The following DAB1 variants were observed in gnomAD, a reference collection of about 807,000 sequenced individuals.
DAB1 encodes DAB adaptor protein 1.
In DAB1, 15 loss-of-function variants were observed where a neutral mutation model predicts 64.6. The observed-to-expected ratio is 0.23, with a 90% confidence interval of 0.16 to 0.36. The LOEUF is 0.36. Among genes scored for constraint, DAB1 ranks in the 10% least tolerant of loss-of-function variants. The pLI, the probability that DAB1 is intolerant of heterozygous loss-of-function variation, is 1.00. For missense variants in DAB1, 596 were observed against 706.7 expected (o/e 0.84, Z 1.78); for synonymous variants, 235 against 251.9 (o/e 0.93, Z 0.64).
intron 4 of DAB1, among the ~76,000 whole-genome samples, chr1:58,203,253 A>G (rs1292731623): frequency 6.6e-6 from 1 of 152,218 alleles, no homozygotes; most frequent in East Asian, 1.9e-4. Context: ...GTCTTCAACC[A>G]AGACACAATT....
intron 4 of DAB1, among the ~76,000 whole-genome samples, chr1:58,198,535 A>G (rs1329093739): frequency 2.0e-5 from 3 of 152,218 alleles, no homozygotes; most frequent in Non-Finnish European, 4.4e-5. Flanking sequence ...TTGGCTGTCC[A>G]ATGTCCATGC....
At chr1:58,406,812 T>G (rs532639425) in intron 3 of DAB1, among the ~76,000 whole-genome samples, 3 of 151,646 alleles carry the variant, frequency 2.0e-5, no homozygotes, top group African/African-American at 7.2e-5. Context: ...GAAAATACCA[T>G]GGGTTTGGGA....
At chr1:57,384,932 G>A (rs1229939859) in intron 1 of DAB1, among the ~76,000 whole-genome samples, 1 of 152,154 alleles carries the variant, frequency 6.6e-6, no homozygotes, top group African/African-American at 2.4e-5. Flanking sequence ...AAATATGTCA[G>A]ATCAGTAAGG....
At chr1:58,166,541 C>T (rs1655841469) in intron 4 of DAB1, among the ~76,000 whole-genome samples, 1 of 152,102 alleles carries the variant, frequency 6.6e-6, no homozygotes, top group African/African-American at 2.4e-5. Context: ...ATCCTTTCAC[C>T]ACTACGTGAA....
chr1:58,088,927 C>T (rs1297159127), intron 5 of DAB1, among the ~76,000 whole-genome samples: 1 of 152,056 alleles, frequency 6.6e-6, no homozygotes, highest in Non-Finnish European at 1.5e-5. Flanking sequence ...TGTGAAGGAA[C>T]GCGGGGCAAG....
chr1:57,591,014 G>C (rs575962175), intron 7 of DAB1, among the ~76,000 whole-genome samples: 1 of 152,234 alleles, frequency 6.6e-6, no homozygotes, highest in African/African-American at 2.4e-5. Flanking sequence ...TTTAACTTCT[G>C]ATACATAGCC....
intron 3 of DAB1, among the ~76,000 whole-genome samples, chr1:58,476,553 G>T (rs1645421130): frequency 6.6e-6 from 1 of 152,212 alleles, no homozygotes; most frequent in Non-Finnish European, 1.5e-5. Flanking sequence ...AAGTTAGGGG[G>T]CAAAGTGTAG....
At position 57,377,281 on chromosome 1, in the gene DAB1, A is replaced by AAAAAAG. The variant is rs1553174561; in HGVS notation, c.-137+46648_-137+46649insCTTTTT. On this transcript the variant is annotated intron_variant, in intron 1 of 14. Transcript: ENST00000371236. ...TGAGACTCCATCTTAAAAAAAAAAA[A>AAAAAAG]AAAAGAAAAGAAAAGGCAGGCCACT... is the stretch of plus-strand genomic sequence containing the variant. 6.8e-4 allele frequency among the ~76,000 whole-genome samples: 100 copies of AAAAAAG among 146,554 alleles called. 1 individual carries two copies. The South Asian group carries it at 0.016, about 24-fold the overall frequency.
intron 2 of DAB1, chr1:58,527,253 C>T: frequency 1.1e-6 from 1 of 872,132 alleles, no homozygotes; most frequent in Non-Finnish European, 2.0e-6. Flanking sequence ...AACTACTAAA[C>T]ACTTTACCTT....
intron 7 of DAB1, among the ~76,000 whole-genome samples, chr1:57,589,242 A>G (rs1645415372): frequency 6.6e-6 from 1 of 152,190 alleles, no homozygotes; most frequent in African/African-American, 2.4e-5. Context: ...AACAAACAAA[A>G]AAACCATATG....
intron 6 of DAB1, among the ~76,000 whole-genome samples, chr1:57,699,613 T>C (rs531326153): frequency 2.6e-4 from 39 of 152,172 alleles, no homozygotes; most frequent in Middle Eastern, 6.8e-3. Context: ...GAGGAAAAAT[T>C]GTCATTAGAA....
In DAB1 at chr1:57,028,847, C is replaced by T. The variant is rs905717301; in HGVS notation, c.724-2804G>A. 9.9e-5 allele frequency among the ~76,000 whole-genome samples: 15 copies of T among 152,098 alleles called. 1 individual carries two copies. The highest frequency in any genetic ancestry group is 3.6e-4 in the African/African-American group (15 of 41,490). On this transcript the variant is annotated intron_variant, in intron 9 of 14. Coordinates refer to ENST00000371236, the MANE Select transcript of DAB1 (RefSeq NM_001365792.1). ...AAGCATTCAATAGGTAACTTGGGTG[C>T]TGTTAAAAGCATTCAGTTTTCTAAG...
At chr1:57,311,922 C>T (rs1205205187) in intron 1 of DAB1, among the ~76,000 whole-genome samples, 2 of 152,168 alleles carry the variant, frequency 1.3e-5, no homozygotes, top group Non-Finnish European at 2.9e-5. Flanking sequence ...ATCCCTGGCG[C>T]TAAACGTTAT....
chr1:57,329,106 T>G lies in DAB1; in HGVS notation c.-136-37940A>C, dbSNP rs548567275. Among the ~76,000 whole-genome samples the G allele has an allele frequency of 7.2e-5, 11 of 152,280 alleles. No homozygotes were observed. In the South Asian group the frequency reaches 1.5e-3, roughly 20 times the overall value. On this transcript the variant is annotated intron_variant, in intron 1 of 14. Transcript: ENST00000371236. ...TTCACATGCTACATTCATTCCACAA[T>G]CCTCACACAGCCTACAACAATGGCC...
intron 1 of DAB1, among the ~76,000 whole-genome samples, chr1:57,398,267 A>G (rs1682969940): frequency 6.6e-6 from 1 of 152,186 alleles, no homozygotes; most frequent in Non-Finnish European, 1.5e-5. Context: ...ATGTATATGA[A>G]TAACTAGAAC....
At chr1:58,344,967 C>T (rs1363195171) in intron 3 of DAB1, among the ~76,000 whole-genome samples, 2 of 152,152 alleles carry the variant, frequency 1.3e-5, no homozygotes, top group African/African-American at 4.8e-5. Context: ...TAATAGGCTT[C>T]TAACTGGCAT....
chr1:57,017,857 C>A (rs1205899635), intron 11 of DAB1, among the ~76,000 whole-genome samples: 1 of 151,982 alleles, frequency 6.6e-6, no homozygotes, highest in African/African-American at 2.4e-5. Context: ...GCAACTCTGT[C>A]TTGTTTTCTG....
intron 7 of DAB1, among the ~76,000 whole-genome samples, chr1:57,487,012 G>T (rs553977801): frequency 6.6e-6 from 1 of 151,840 alleles, no homozygotes; most frequent in South Asian, 2.1e-4. Flanking sequence ...TCAGGAACAG[G>T]TTCCCAAGGA....
intron 1 of DAB1, among the ~76,000 whole-genome samples, chr1:57,413,361 C>G (rs1245492701): frequency 6.6e-6 from 1 of 152,134 alleles, no homozygotes; most frequent in Non-Finnish European, 1.5e-5. Flanking sequence ...TTATTTAGGA[C>G]ATACATTTCA....
Sources: gnomAD v4.1 joint callset for allele counts (sites outside exome capture counted in the v4.1 genomes callset) on GRCh38, gnomAD v4.1.1 for gene constraint, MANE v1.5 for transcripts, NCBI Gene and HGNC (gene_info 2026-07-23, HGNC 2026-07-21) for gene names.